THSD4: variants seen among roughly 807,000 people sequenced by gnomAD.
THSD4 encodes thrombospondin type-1 domain-containing protein 4.
In THSD4, 69 loss-of-function variants were observed where a neutral mutation model predicts 119.0. That is an observed-to-expected ratio of 0.58 (90% confidence interval 0.48 to 0.71). The LOEUF (loss-of-function observed/expected upper bound fraction) is 0.71, where lower values mean the gene tolerates loss of function less well. Among genes scored for constraint, THSD4 ranks in the 30% least tolerant of loss-of-function variants. The pLI is 0.00. For synonymous variants in THSD4, 524 were observed against 540.4 expected (o/e 0.97, Z 0.42); for missense variants, 1,393 against 1,391.1 (o/e 1.00, Z -0.02).
At chr15:71,170,659 G>T (rs1036706782) in intron 3 of THSD4, among the ~76,000 whole-genome samples, 1 of 152,176 alleles carries the variant, frequency 6.6e-6, no homozygotes, top group African/African-American at 2.4e-5. Context: ...TTTAGTCAAA[G>T]GTTACCAGGC....
At chr15:71,235,147 G>C (rs898996173) in intron 4 of THSD4, among the ~76,000 whole-genome samples, 10 of 152,178 alleles carry the variant, frequency 6.6e-5, no homozygotes, top group Non-Finnish European at 1.5e-4. Flanking sequence ...CCAATGCTTT[G>C]TATCAATGCC....
chr15:71,771,185 C>T lies in THSD4; in HGVS notation c.2891C>T (p.Pro964Leu), dbSNP rs753841869. The change falls in exon 17 of 18, where the codon CCT becomes CTT. Residue 964 changes from proline (P) to leucine (L), a missense_variant. Pro to Leu is a moderately conservative substitution (Grantham distance 98). Transcript: ENST00000261862. ...CCAGAAGAGAGAGAATCTTGTAACC[C>T]TCAGGACTGTGTCCCTGAAGTTGGT... is the stretch of plus-strand genomic sequence containing the variant. ...LKPEERESCNPQDCVPEVDEN... is the reference protein window; with the variant it reads ...LKPEERESCNLQDCVPEVDEN... 14 of 1,614,086 alleles carry T rather than the reference C, an allele frequency of 8.7e-6. No individual in the cohort carries two copies. Among genetic ancestry groups the T allele is most frequent in the Non-Finnish European group, 1.1e-5 (13 of 1,180,006 alleles).
chr15:71,362,070 A>C (rs922803684), intron 6 of THSD4, among the ~76,000 whole-genome samples: 2 of 152,248 alleles, frequency 1.3e-5, no homozygotes, highest in African/African-American at 2.4e-5. Context: ...TGAGGTCAGG[A>C]GTTTGAGACC....
chr15:71,137,237 C>T (rs140901698), intron 1 of THSD4, among the ~76,000 whole-genome samples: 1 of 152,168 alleles, frequency 6.6e-6, no homozygotes, highest in Admixed American at 6.5e-5. Flanking sequence ...TCTCGGTGCA[C>T]CCTTGCCAGA....
At chr15:71,768,960 T>TG (rs1242425955) in intron 16 of THSD4, among the ~76,000 whole-genome samples, 2 of 106,020 alleles carry the variant, frequency 1.9e-5, no homozygotes, top group Non-Finnish European at 4.0e-5. Context: ...GGGAGGGAGG[T>TG]GGGGGGGTCG....
At chr15:71,350,899 T>C (rs778119997) in intron 6 of THSD4, among the ~76,000 whole-genome samples, 5 of 152,214 alleles carry the variant, frequency 3.3e-5, no homozygotes, top group African/African-American at 7.2e-5. Context: ...GAAACCCCAC[T>C]GGCGGTGGCT....
rs552611401 is a variant in THSD4, at chr15:71,422,135, T to C, written c.1152+10312T>C. On this transcript the variant is annotated intron_variant, in intron 7 of 17. Coordinates refer to ENST00000261862, the MANE Select transcript of THSD4 (RefSeq NM_024817.3). ...GACTGAAAGGTTACATATCTCTTGT[T>C]TTTTCAGGATTGGTCCCTGATGCCT... is the stretch of plus-strand genomic sequence containing the variant. Among the ~76,000 whole-genome samples, 15 of 152,344 alleles carry C rather than the reference T, an allele frequency of 9.8e-5. No individual in the cohort carries two copies. In the South Asian group the frequency reaches 2.9e-3, roughly 29 times the overall value.
intron 6 of THSD4, among the ~76,000 whole-genome samples, chr15:71,406,287 C>T (rs2046604478): frequency 6.6e-6 from 1 of 152,004 alleles, no homozygotes; most frequent in Non-Finnish European, 1.5e-5. Flanking sequence ...CATTTATTCC[C>T]TCTTGGAGAT....
intron 8 of THSD4, among the ~76,000 whole-genome samples, chr15:71,708,192 A>C (rs1471967664): frequency 6.6e-6 from 1 of 152,212 alleles, no homozygotes; most frequent in East Asian, 1.9e-4. Context: ...ATTGAACGTC[A>C]TCAATGACCT....
intron 7 of THSD4, among the ~76,000 whole-genome samples, chr15:71,428,064 G>C (rs951478105): frequency 6.6e-6 from 1 of 152,174 alleles, no homozygotes; most frequent in Non-Finnish European, 1.5e-5. Context: ...ACTGACACTT[G>C]TAACTGAGAA....
intron 7 of THSD4, among the ~76,000 whole-genome samples, chr15:71,431,247 G>A (rs1353096466): frequency 6.6e-6 from 1 of 152,170 alleles, no homozygotes; most frequent in Non-Finnish European, 1.5e-5. Flanking sequence ...TGATGCCCAT[G>A]TAATTCTTAT....
chr15:71,100,355 G>A (rs552895266), intron 1 of THSD4, among the ~76,000 whole-genome samples: 25 of 152,252 alleles, frequency 1.6e-4, no homozygotes, highest in Middle Eastern at 3.4e-3. Context: ...TTGCCATGTT[G>A]GGGAGGCTCA....
At chr15:71,501,777 AAAAGCTCAC>A (rs1381206335) in intron 7 of THSD4, among the ~76,000 whole-genome samples, 1 of 152,230 alleles carries the variant, frequency 6.6e-6, no homozygotes, top group African/African-American at 2.4e-5. Context: ...TTTCTACCAT[AAAAGCTCAC>A]AAAGCAGCAC....
intron 7 of THSD4, among the ~76,000 whole-genome samples, chr15:71,534,799 T>C (rs967095624): frequency 1.1e-4 from 17 of 152,190 alleles, no homozygotes; most frequent in African/African-American, 4.1e-4. Context: ...GCCAACATGG[T>C]GAAACCCTGT....
At chr15:71,322,267 A>G (rs946107836) in intron 6 of THSD4, among the ~76,000 whole-genome samples, 12 of 151,586 alleles carry the variant, frequency 7.9e-5, no homozygotes, top group African/African-American at 2.9e-4. Flanking sequence ...AGAGGCTAAG[A>G]CTGTAGGCGG....
At chr15:71,117,732 A>C (rs1443270972) in intron 1 of THSD4, among the ~76,000 whole-genome samples, 1 of 152,206 alleles carries the variant, frequency 6.6e-6, no homozygotes, top group African/African-American at 2.4e-5. Context: ...TGATTTCACC[A>C]CATCATTTCT....
chr15:71,642,273 T>C (rs7173503), intron 7 of THSD4, among the ~76,000 whole-genome samples: 58,162 of 152,032 alleles, frequency 0.38, 11,814 homozygotes, highest in East Asian at 0.83. Flanking sequence ...TCTTTTAGAA[T>C]GGCAATCATT....
Position 71,745,159 on chromosome 15 carries a change from C to T in THSD4, c.1960C>T (p.Pro654Ser). ...GCACAGAAGCACTCATGAAGAGGCT[C>T]CTGAGAGTTACTGTGACTCCAGCAT... ...CVHRSTHEEA[P>S]ESYCDSSMKP... Residue 654 changes from proline (P) to serine (S), a missense_variant, in exon 12 of 18, where the codon CCT (proline) becomes TCT (serine). Transcript: ENST00000261862. 2 of 1,612,784 alleles carry T rather than the reference C, an allele frequency of 1.2e-6. No individual in the cohort carries two copies. Among genetic ancestry groups the T allele is most frequent in the Non-Finnish European group, 1.7e-6 (2 of 1,179,992 alleles).
intron 7 of THSD4, among the ~76,000 whole-genome samples, chr15:71,537,750 A>C (rs540276319): frequency 6.6e-6 from 1 of 151,608 alleles, no homozygotes; most frequent in African/African-American, 2.4e-5. Context: ...CTTTAAAAAA[A>C]TTTTTTTTTA....
Sources: allele counts gnomAD v4.1 joint callset (sites outside exome capture counted in the v4.1 genomes callset), GRCh38; gene constraint gnomAD v4.1.1; transcripts MANE v1.5; gene names NCBI Gene and HGNC (gene_info 2026-07-23, HGNC 2026-07-21).